PCLO: variants seen among roughly 807,000 people sequenced by gnomAD.
PCLO encodes piccolo presynaptic cytomatrix protein.
A neutral mutation model predicts 427.5 loss-of-function variants in PCLO; 82 were observed. The ratio of observed to expected loss-of-function variants is 0.19; its 90% confidence interval spans 0.16 to 0.23. PCLO has a LOEUF of 0.23. Ranked by LOEUF, PCLO falls within the 10% of genes least tolerant of loss-of-function variation. PCLO has a pLI of 1.00. For synonymous variants in PCLO, 2,357 were observed against 2,155.4 expected (o/e 1.09, Z -2.59); for missense variants, 6,239 against 6,115.9 (o/e 1.02, Z -0.67).
rs1380389579 is a variant in PCLO at position 82,952,569 on chromosome 7, A to C, written c.8384T>G (p.Val2795Gly). ...VTPVSLATET[V>G]TFVTCTASAS... is the part of the protein sequence containing the mutation. Reference sequence around the variant, plus strand: ...ACTAGCTGTGCATGTGACAAAGGTCACTGTCTCAGTGGCCAGAGATACAGG... The same window carrying C: ...ACTAGCTGTGCATGTGACAAAGGTCCCTGTCTCAGTGGCCAGAGATACAGG... Residue 2795 changes from valine (V) to glycine (G), a missense_variant, in exon 5 of 25, where the codon GTG (valine) becomes GGG (glycine). By Grantham distance (109) the Val-to-Gly change is moderately radical. Transcript: ENST00000333891. 1.2e-6 allele frequency: 2 copies of C among 1,613,922 alleles called. No individual in the cohort carries two copies. Among genetic ancestry groups the C allele is most frequent in the Non-Finnish European group, 1.7e-6 (2 of 1,179,848 alleles).
intron 3 of PCLO, among the ~76,000 whole-genome samples, chr7:83,046,787 A>AT (rs201453238): frequency 2.0e-5 from 3 of 151,920 alleles, no homozygotes; most frequent in Non-Finnish European, 2.9e-5. Flanking sequence ...TGAAAAATCA[A>AT]TTTTTTTAAA....
In PCLO at chr7:82,953,767, T is replaced by C. The variant is rs1471637607; in HGVS notation, c.7186A>G (p.Ser2396Gly). Reference protein sequence around the residue: ...LPAKPRPFFRSSSLDISAQPP... With the variant: ...LPAKPRPFFRGSSLDISAQPP... The stretch of plus-strand genomic sequence containing the variant: ...TGAGCTGATATATCCAAAGAAGAAC[T>C]TCTAAAGAATGGGCGAGGTTTAGCT... Residue 2396 changes from serine to glycine, a missense_variant, in exon 5 of 25, where the codon AGT (serine) becomes GGT (glycine). Transcript: ENST00000333891. 1.3e-6 allele frequency: 2 copies of C among 1,563,544 alleles called. No homozygotes were observed. The highest frequency in any genetic ancestry group is 2.7e-5 in the African/African-American group (2 of 73,146).
intron 6 of PCLO, among the ~76,000 whole-genome samples, chr7:82,940,804 C>A: frequency 7.0e-6 from 1 of 141,856 alleles, no homozygotes; most frequent in Non-Finnish European, 1.5e-5. Context: ...TCTCTGTTGC[C>A]CAGGCTGGAG....
At chr7:83,027,450 T>A (rs1478054738) in intron 3 of PCLO, among the ~76,000 whole-genome samples, 2 of 151,910 alleles carry the variant, frequency 1.3e-5, no homozygotes, top group Non-Finnish European at 2.9e-5. Context: ...GATCTGAAAT[T>A]GTGGCAATAA....
rs766360866 is a variant in PCLO, at chr7:83,155,875, T to C, written c.766A>G (p.Lys256Glu). The C allele has an allele frequency of 6.2e-7, 1 of 1,613,974 alleles. No individual in the cohort carries two copies. Among genetic ancestry groups the C allele is most frequent in the South Asian group, 1.1e-5 (1 of 91,076 alleles). ...GTCTGGGTAGGACCCTGAATTGGCT[T>C]TCCTGTACCTGGAGGTTGTGATTTA... ...KIKSQPPGTG[K>E]PIQGPTQTPQ... The change falls in exon 2 of 25, where the codon AAG (lysine) becomes GAG (glutamate). Residue 256 changes from lysine (K) to glutamate (E), a missense_variant. Physicochemically the swap from Lys to Glu is moderately conservative, Grantham distance 56 (BLOSUM62 1). Coordinates refer to ENST00000333891, the MANE Select transcript of PCLO (RefSeq NM_033026.6).
chr7:83,052,184 T>C (rs1303798212), intron 3 of PCLO, among the ~76,000 whole-genome samples: 1 of 151,966 alleles, frequency 6.6e-6, no homozygotes, highest in African/African-American at 2.4e-5. Flanking sequence ...AATTCATCAA[T>C]ATTAGCCCAT....
intron 10 of PCLO, among the ~76,000 whole-genome samples, chr7:82,869,594 G>A (rs1793180251): frequency 6.6e-6 from 1 of 152,016 alleles, no homozygotes; most frequent in African/African-American, 2.4e-5. Context: ...TTAATATAAA[G>A]ATGTTACAAT....
chr7:83,084,282 A>G (rs1377267367), intron 3 of PCLO, among the ~76,000 whole-genome samples: 1 of 152,088 alleles, frequency 6.6e-6, no homozygotes, highest in Non-Finnish European at 1.5e-5. Context: ...AAAAAGAATG[A>G]CTATAAATTA....
intron 3 of PCLO, among the ~76,000 whole-genome samples, chr7:83,083,419 T>G (rs1265300727): frequency 6.6e-6 from 1 of 151,954 alleles, no homozygotes; most frequent in Non-Finnish European, 1.5e-5. Context: ...GATGTAAAAT[T>G]TTAGCTTTTT....
intron 3 of PCLO, among the ~76,000 whole-genome samples, chr7:83,032,943 G>A (rs748799715): frequency 9.9e-5 from 15 of 152,062 alleles, no homozygotes; most frequent in Admixed American, 6.6e-5. Flanking sequence ...AGGGACCTGG[G>A]GAGAAGTGAT....
chr7:82,822,476 A>T lies in PCLO; in HGVS notation c.14791+19T>A, dbSNP rs751234422. On this transcript the variant is annotated intron_variant, in intron 20 of 24. Transcript: ENST00000333891. ...GAACATTAAGCTGCCATGCTGAGGA[A>T]TTTATTTGCGTCTTTTACTTGGTTG... The T allele has an allele frequency of 6.2e-7, 1 of 1,613,724 alleles. No individual in the cohort carries two copies.
intron 22 of PCLO, among the ~76,000 whole-genome samples, chr7:82,796,040 T>C (rs990755607): frequency 1.1e-4 from 17 of 152,148 alleles, no homozygotes; most frequent in Non-Finnish European, 2.9e-5. Context: ...TCTAAAATAT[T>C]CTGGGCTTTC....
chr7:82,939,081 T>TCC (rs1229937853), intron 6 of PCLO, among the ~76,000 whole-genome samples: 1 of 152,092 alleles, frequency 6.6e-6, no homozygotes, highest in African/African-American at 2.4e-5. Context: ...TTTCCATTCT[T>TCC]ACAGCAAATC....
At chr7:82,910,537 G>T (rs1416177013) in intron 7 of PCLO, among the ~76,000 whole-genome samples, 1 of 152,046 alleles carries the variant, frequency 6.6e-6, no homozygotes, top group African/African-American at 2.4e-5. Flanking sequence ...CTGCTTAAAG[G>T]CAAAGCTTAT....
rs1795309104 is a variant in PCLO, at chr7:82,950,364, T to C, written c.10224A>G (p.Lys3408=). 3.7e-6 allele frequency: 6 copies of C among 1,613,754 alleles called. No homozygotes were observed. Among genetic ancestry groups the C allele is most frequent in the Non-Finnish European group, 4.2e-6 (5 of 1,179,836 alleles). ...PLTDVVVKEE[K]QPKKRSSGAK... Reference sequence around the variant, plus strand: ...CTCCAGAACTTCTCTTTTTGGGTTGTTTTTCCTCTTTCACAACAACATCTG... The same window carrying C: ...CTCCAGAACTTCTCTTTTTGGGTTGCTTTTCCTCTTTCACAACAACATCTG... Residue 3408 remains lysine (K), a synonymous_variant, in exon 6 of 25, where the codon AAA becomes AAG. Coordinates refer to ENST00000333891, the MANE Select transcript of PCLO (RefSeq NM_033026.6).
At chr7:82,793,699 T>C (rs1447725463) in intron 22 of PCLO, among the ~76,000 whole-genome samples, 1 of 152,200 alleles carries the variant, frequency 6.6e-6, no homozygotes, top group Non-Finnish European at 1.5e-5. Context: ...ATATTTGATT[T>C]CCATATCTCT....
At chr7:83,160,840 A>C (rs1209870313) in intron 1 of PCLO, among the ~76,000 whole-genome samples, 3 of 152,176 alleles carry the variant, frequency 2.0e-5, no homozygotes, top group Admixed American at 1.3e-4. Flanking sequence ...AAAATATAAA[A>C]GATCTGGCAT....
At chr7:83,016,277 G>A (rs993576045) in intron 3 of PCLO, among the ~76,000 whole-genome samples, 2 of 152,072 alleles carry the variant, frequency 1.3e-5, no homozygotes, top group African/African-American at 4.8e-5. Context: ...AAAAAACAAC[G>A]TGTGCAAATA....
chr7:82,821,077 T>C (rs1791779639), intron 20 of PCLO: 1 of 1,110,992 alleles, frequency 9.0e-7, no homozygotes, highest in Non-Finnish European at 1.1e-6. Context: ...GGGGATGTTC[T>C]TGCTGTGTGC....
Sources: allele counts gnomAD v4.1 joint callset (sites outside exome capture counted in the v4.1 genomes callset), GRCh38; gene constraint gnomAD v4.1.1; transcripts MANE v1.5; gene names NCBI Gene and HGNC (gene_info 2026-07-23, HGNC 2026-07-21).